Variants in DCLK1 observed in about 807,000 individuals in gnomAD.
The protein encoded by DCLK1 is serine/threonine-protein kinase DCLK1.
In DCLK1, 16 loss-of-function variants were observed where a neutral mutation model predicts 86.2. The ratio of observed to expected loss-of-function variants is 0.19; its 90% confidence interval spans 0.13 to 0.28. DCLK1 has a LOEUF of 0.28. Among genes scored for constraint, DCLK1 ranks in the 10% least tolerant of loss-of-function variants. The pLI is 1.00. For missense variants in DCLK1, 590 were observed against 940.2 expected (o/e 0.63, Z 4.87); for synonymous variants, 369 against 370.5 (o/e 1.00, Z 0.05).
chr13:35,808,988 C>T (rs768363026), intron 13 of DCLK1, 30 bp downstream of exon 13: 20 of 1,593,734 alleles, frequency 1.3e-5, no homozygotes, highest in South Asian at 5.6e-5. Flanking sequence ...AATGCTTTGT[C>T]GGCGCTGAAT....
chr13:36,000,478 T>A (rs568837398), intron 3 of DCLK1, among the ~76,000 whole-genome samples: 1 of 152,262 alleles, frequency 6.6e-6, no homozygotes, highest in Admixed American at 6.5e-5. Context: ...GCCATTCTCA[T>A]TTGCAAGGCT....
intron 3 of DCLK1, among the ~76,000 whole-genome samples, chr13:35,987,473 T>C (rs1252406561): frequency 6.6e-6 from 1 of 152,124 alleles, no homozygotes; most frequent in Non-Finnish European, 1.5e-5. Flanking sequence ...ACACGTATTG[T>C]CTCATTTCAT....
rs190328932 is a variant in DCLK1 at position 35,918,583 on chromosome 13, T to C, written c.823+28775A>G. On this transcript the variant is annotated intron_variant, in intron 4 of 16. Transcript: ENST00000360631. ...TAAAGGGCTTAGATTCCAACTCTTA[T>C]GGTCTTTGTTCGATCATTCAACTGT... 1.9e-3 allele frequency among the ~76,000 whole-genome samples: 287 copies of C among 152,302 alleles called. 2 individuals are homozygous for C. Among genetic ancestry groups the C allele is most frequent in the South Asian group, 0.011 (52 of 4,828 alleles).
intron 5 of DCLK1, among the ~76,000 whole-genome samples, chr13:35,857,201 T>C (rs1031841176): frequency 6.6e-6 from 1 of 152,166 alleles, no homozygotes; most frequent in African/African-American, 2.4e-5. Flanking sequence ...CAAAGCTATC[T>C]TCAGGAGGGA....
chr13:35,966,907 G>A (rs1878775580), intron 3 of DCLK1, among the ~76,000 whole-genome samples: 1 of 152,084 alleles, frequency 6.6e-6, no homozygotes, highest in Non-Finnish European at 1.5e-5. Context: ...CGAGATTGCA[G>A]CCTCTGCCCG....
chr13:36,004,013 T>C (rs1185246788), intron 3 of DCLK1, among the ~76,000 whole-genome samples: 1 of 152,142 alleles, frequency 6.6e-6, no homozygotes, highest in African/African-American at 2.4e-5. Context: ...ATAATAATAG[T>C]CACTCTGAAA....
rs558693220 is a variant in DCLK1, at chr13:35,858,184, A to G, written c.941-3591T>C. On this transcript the variant is annotated intron_variant, in intron 5 of 16. Transcript: ENST00000360631. ...GGGGCACATTTAAGGGTCCTATGGT[A>G]GAGATGCTGACGTGGCTGATCTAGG... Among the ~76,000 whole-genome samples, 211 of 152,250 alleles carry G rather than the reference A, an allele frequency of 1.4e-3. 5 individuals are homozygous for G. The highest frequency in any genetic ancestry group is 3.9e-4 in the Admixed American group (6 of 15,284).
intron 16 of DCLK1, 84 bp downstream of exon 16, chr13:35,793,282 T>A: frequency 9.3e-7 from 1 of 1,078,616 alleles, no homozygotes; most frequent in Non-Finnish European, 1.4e-6. Context: ...CTGCTGTCTC[T>A]GACTGGAGAA....
chr13:35,928,990 C>T (rs1056621987), intron 4 of DCLK1, among the ~76,000 whole-genome samples: 1 of 152,146 alleles, frequency 6.6e-6, no homozygotes. Context: ...AGTGCAGTGG[C>T]ATGATCTCAG....
At chr13:35,797,758 T>G (rs1306729051) in intron 15 of DCLK1, among the ~76,000 whole-genome samples, 2 of 152,152 alleles carry the variant, frequency 1.3e-5, no homozygotes, top group Non-Finnish European at 2.9e-5. Flanking sequence ...TAAAAAGACT[T>G]AAACAATTGG....
chr13:35,958,253 T>TACTGTAACCATCACCACCATC (rs1878225833), intron 3 of DCLK1, among the ~76,000 whole-genome samples: 1 of 11,200 alleles, frequency 8.9e-5, no homozygotes, highest in African/African-American at 4.8e-4. Context: ...CCACCACCAC[T>TACTGTAACCATCACCACCATC]ACCACTACTA....
intron 6 of DCLK1, 58 bp from the exon 7 acceptor site, chr13:35,839,234 G>A: frequency 6.9e-7 from 1 of 1,452,392 alleles, no homozygotes; most frequent in Non-Finnish European, 9.4e-7. Context: ...TGAGTTTCCA[G>A]GGACCATGCC....
chr13:36,026,006 T>A lies in DCLK1; in HGVS notation c.724-78549A>T, dbSNP rs1329916864. Among the ~76,000 whole-genome samples the A allele has an allele frequency of 2.6e-5, 4 of 152,086 alleles. No individual in the cohort carries two copies. In the East Asian group the frequency reaches 7.7e-4, roughly 29 times the overall value. On this transcript the variant is annotated intron_variant, in intron 3 of 16. Coordinates refer to ENST00000360631, the MANE Select transcript of DCLK1 (RefSeq NM_001330071.2). ...ACATGCACTGTGTTTTCACTAAACT[T>A]CCATCAATTCAGTTTGAGAGGTAAA...
intron 4 of DCLK1, among the ~76,000 whole-genome samples, chr13:35,935,590 A>G (rs1876709590): frequency 6.6e-6 from 1 of 152,198 alleles, no homozygotes; most frequent in Admixed American, 6.5e-5. Context: ...GACCAGGTAG[A>G]TGATGAGTTC....
intron 4 of DCLK1, among the ~76,000 whole-genome samples, chr13:35,899,092 G>C (rs1254123893): frequency 6.6e-6 from 1 of 152,120 alleles, no homozygotes; most frequent in Non-Finnish European, 1.5e-5. Flanking sequence ...TGCTTATAGG[G>C]GGACAGCATG....
intron 3 of DCLK1, among the ~76,000 whole-genome samples, chr13:35,964,703 C>G (rs545481389): frequency 6.6e-6 from 1 of 151,454 alleles, no homozygotes; most frequent in Admixed American, 6.6e-5. Flanking sequence ...CCACGGGTTC[C>G]GTAAATTGAA....
At chr13:35,946,626 C>G (rs188722342) in intron 4 of DCLK1, among the ~76,000 whole-genome samples, 2 of 152,154 alleles carry the variant, frequency 1.3e-5, no homozygotes, top group Admixed American at 6.5e-5. Context: ...AGTAAATATG[C>G]AATACTCCCA....
chr13:35,793,593 A>T lies in DCLK1; in HGVS notation c.1945-114T>A. On this transcript the variant is annotated intron_variant, in intron 15 of 16. Transcript: ENST00000360631. ...ATCTTAGAATTCATAAGATGTCAGA[A>T]ATAAACCAACCAATGTCTACTCATT... is the stretch of plus-strand genomic sequence containing the variant. The T allele has an allele frequency of 4.0e-6, 3 of 748,298 alleles. No individual in the cohort carries two copies. The South Asian group carries it at 6.1e-5, about 15-fold the overall frequency. The allele number at this position is 748,298 out of a possible 1,614,324, so 46.4% of individuals were successfully genotyped here.
chr13:35,774,799 C>G, intron 16 of DCLK1, 100 bp from the exon 17 acceptor site: 1 of 1,298,866 alleles, frequency 7.7e-7, no homozygotes, highest in Non-Finnish European at 1.1e-6. Context: ...AATACACTGG[C>G]CAAGTTCACC....
Sources: gnomAD v4.1 joint callset for allele counts (sites outside exome capture counted in the v4.1 genomes callset) on GRCh38, gnomAD v4.1.1 for gene constraint, MANE v1.5 for transcripts, NCBI Gene and HGNC (gene_info 2026-07-23, HGNC 2026-07-21) for gene names.